VAV3: variants seen among roughly 807,000 people sequenced by gnomAD.
The protein encoded by VAV3 is guanine nucleotide exchange factor VAV3.
A neutral mutation model predicts 131.2 loss-of-function variants in VAV3; 94 were observed. That is an observed-to-expected ratio of 0.72 (90% CI 0.61 to 0.85). The LOEUF (loss-of-function observed/expected upper bound fraction) is 0.85, where lower values mean the gene tolerates loss of function less well. Among genes scored for constraint, VAV3 ranks in the 40% least tolerant of loss-of-function variants. VAV3 has a pLI of 0.00. For synonymous variants in VAV3, 349 were observed against 342.0 expected, an observed-to-expected ratio of 1.02 and a Z score of -0.22; for missense variants, 939 against 1,002.7, an observed-to-expected ratio of 0.94 and a Z score of 0.86.
intron 2 of VAV3, among the ~76,000 whole-genome samples, chr1:107,832,438 C>T (rs1209937788): frequency 6.6e-6 from 1 of 152,200 alleles, no homozygotes; most frequent in Non-Finnish European, 1.5e-5. Flanking sequence ...CTTTAACAGT[C>T]TGAACAATGA....
chr1:107,725,942 T>C (rs1342209385), intron 15 of VAV3, among the ~76,000 whole-genome samples: 1 of 152,162 alleles, frequency 6.6e-6, no homozygotes, highest in Non-Finnish European at 1.5e-5. Context: ...AAAGTAACCA[T>C]ACTGTCCTGG....
intron 1 of VAV3, among the ~76,000 whole-genome samples, chr1:107,961,703 T>C (rs1412210150): frequency 1.3e-5 from 2 of 152,186 alleles, no homozygotes; most frequent in Non-Finnish European, 2.9e-5. Context: ...AAGATCATCC[T>C]CTTACCAAGA....
chr1:107,711,369 G>A (rs1660772358), intron 15 of VAV3, among the ~76,000 whole-genome samples: 2 of 152,236 alleles, frequency 1.3e-5, no homozygotes, highest in Admixed American at 1.3e-4. Context: ...TACATACTCA[G>A]CCACAATATT....
At chr1:107,839,339 A>G (rs1304244919) in intron 2 of VAV3, among the ~76,000 whole-genome samples, 1 of 152,180 alleles carries the variant, frequency 6.6e-6, no homozygotes, top group African/African-American at 2.4e-5. Context: ...GTATGTTCTC[A>G]GACAATATGG....
chr1:107,666,338 T>G (rs1369836421), intron 19 of VAV3, among the ~76,000 whole-genome samples: 1 of 152,234 alleles, frequency 6.6e-6, no homozygotes, highest in East Asian at 1.9e-4. Flanking sequence ...AATGTCTTAT[T>G]TCTCAAAAAT....
rs373449216 is a variant in VAV3 at position 107,633,910 on chromosome 1, C to T, written c.1914+8709G>A. On this transcript the variant is annotated intron_variant, in intron 20 of 26. Coordinates refer to ENST00000370056, the MANE Select transcript of VAV3 (RefSeq NM_006113.5). ...ACGGGCATTCGAGACCTTACAGCTGCTCCCACCACCCCAACCATCAACTGA... is the reference window on the plus strand; with the variant it reads ...ACGGGCATTCGAGACCTTACAGCTGTTCCCACCACCCCAACCATCAACTGA... Among the ~76,000 whole-genome samples the T allele has an allele frequency of 5.3e-4, 80 of 152,200 alleles. 1 individual carries two copies. In the South Asian group the frequency reaches 8.7e-3, roughly 17 times the overall value.
intron 1 of VAV3, among the ~76,000 whole-genome samples, chr1:107,923,997 G>A (rs948417578): frequency 6.6e-6 from 1 of 152,054 alleles, no homozygotes; most frequent in Non-Finnish European, 1.5e-5. Flanking sequence ...TTGTTTATAA[G>A]CTCCCCAGCC....
intron 15 of VAV3, among the ~76,000 whole-genome samples, chr1:107,710,916 G>A (rs1660746216): frequency 6.6e-6 from 1 of 152,018 alleles, no homozygotes; most frequent in Non-Finnish European, 1.5e-5. Context: ...GACATTAAGG[G>A]ATAGTTTCTT....
At chr1:107,642,051 A>T (rs189628261) in intron 20 of VAV3, among the ~76,000 whole-genome samples, 39 of 152,294 alleles carry the variant, frequency 2.6e-4, no homozygotes, top group African/African-American at 9.4e-4. Context: ...ATTAAATCTA[A>T]CAAACTGTAA....
intron 20 of VAV3, among the ~76,000 whole-genome samples, chr1:107,631,768 G>A (rs1486066568): frequency 6.6e-6 from 1 of 151,334 alleles, no homozygotes; most frequent in Non-Finnish European, 1.5e-5. Context: ...GAGAATGATT[G>A]TTTCCAGCTT....
intron 17 of VAV3, among the ~76,000 whole-genome samples, chr1:107,693,523 G>A (rs1659564364): frequency 6.6e-6 from 1 of 152,046 alleles, no homozygotes; most frequent in African/African-American, 2.4e-5. Flanking sequence ...ATTAATATAA[G>A]GGATATAGAG....
chr1:107,761,667 C>A (rs753685489), intron 9 of VAV3, among the ~76,000 whole-genome samples: 1 of 152,174 alleles, frequency 6.6e-6, no homozygotes, highest in Non-Finnish European at 1.5e-5. Context: ...GAACTACAAT[C>A]CTAGGCCTTT....
chr1:107,615,806 G>C (rs763950207), intron 21 of VAV3, among the ~76,000 whole-genome samples: 9 of 151,922 alleles, frequency 5.9e-5, no homozygotes, highest in South Asian at 2.1e-4. Context: ...GACACTTTTG[G>C]AAAGAAGACA....
chr1:107,697,252 C>T (rs1444280669), intron 17 of VAV3, among the ~76,000 whole-genome samples: 2 of 151,902 alleles, frequency 1.3e-5, no homozygotes, highest in African/African-American at 2.4e-5. Flanking sequence ...CAGCAAACCC[C>T]GATCTGAGAG....
intron 1 of VAV3, among the ~76,000 whole-genome samples, chr1:107,949,444 G>C (rs940090361): frequency 2.6e-5 from 4 of 152,042 alleles, no homozygotes; most frequent in African/African-American, 9.7e-5. Context: ...CCAAGTTGCT[G>C]GGAGTACAGG....
At chr1:107,792,602 G>A (rs984374977) in intron 2 of VAV3, among the ~76,000 whole-genome samples, 1 of 152,178 alleles carries the variant, frequency 6.6e-6, no homozygotes, top group Non-Finnish European at 1.5e-5. Context: ...AGTAAGTTGA[G>A]TCTGTAGCAT....
At chr1:107,850,862 A>C (rs1669185592) in intron 2 of VAV3, among the ~76,000 whole-genome samples, 1 of 142,594 alleles carries the variant, frequency 7.0e-6, no homozygotes, top group South Asian at 2.2e-4. Flanking sequence ...GCTACCACAC[A>C]TATATATATA....
chr1:107,735,474 A>G (rs1054548700), intron 15 of VAV3, among the ~76,000 whole-genome samples: 8 of 152,180 alleles, frequency 5.3e-5, no homozygotes, highest in Non-Finnish European at 7.3e-5. Flanking sequence ...ACTAATAAAG[A>G]AGAAAAGAGA....
intron 25 of VAV3, among the ~76,000 whole-genome samples, chr1:107,592,288 T>A (rs1415956539): frequency 6.6e-6 from 1 of 152,184 alleles, no homozygotes; most frequent in South Asian, 2.1e-4. Flanking sequence ...ATTCCACTTA[T>A]GCTTTTTGGG....
Sources: gnomAD v4.1 joint callset for allele counts (sites outside exome capture counted in the v4.1 genomes callset) on GRCh38, gnomAD v4.1.1 for gene constraint, MANE v1.5 for transcripts, NCBI Gene and HGNC (gene_info 2026-07-23, HGNC 2026-07-21) for gene names.